Variants in SLC35F1 observed in about 807,000 individuals in gnomAD.
SLC35F1 encodes chromosome 6 open reading frame 169.
Under a neutral mutation model 48.7 loss-of-function variants are expected in SLC35F1, and 14 were observed. The observed-to-expected ratio is 0.29, with a 90% confidence interval of 0.19 to 0.45. The LOEUF (loss-of-function observed/expected upper bound fraction) is 0.45, where lower values mean the gene tolerates loss of function less well. SLC35F1 is among the 20% of genes least tolerant of loss of function. SLC35F1 has a pLI of 1.00. For synonymous variants in SLC35F1, 190 were observed against 202.2 expected, an observed-to-expected ratio of 0.94 and a Z score of 0.51; for missense variants, 404 against 500.0, an observed-to-expected ratio of 0.81 and a Z score of 1.83.
chr6:118,113,356 G>A (rs141572588), intron 1 of SLC35F1, among the ~76,000 whole-genome samples: 10 of 152,184 alleles, frequency 6.6e-5, no homozygotes, highest in Admixed American at 1.3e-4. Context: ...CAAAGTGCTG[G>A]GATTACAGGT....
rs568092145 is a variant in SLC35F1 at position 118,315,631 on chromosome 6, G to C, written c.*1379G>C. The C allele has an allele frequency of 6.6e-6, 1 of 152,040 alleles. No homozygotes were observed. Among genetic ancestry groups the C allele is most frequent in the East Asian group, 1.9e-4 (1 of 5,138 alleles). 9.4% of individuals were successfully genotyped at this position (152,040 alleles called of 1,614,324 possible). A position where few individuals can be genotyped will look rare whatever the true frequency, so the allele number is the denominator to read the frequency against. ...ATTTTTTGTATTTTTAGTAGAGATG[G>C]GGTTTCACCGTGTTAGCCAGGATGG... is the stretch of plus-strand genomic sequence containing the variant. On this transcript the variant is annotated 3_prime_UTR_variant, in exon 8 of 8. Transcript: ENST00000360388.
intron 1 of SLC35F1, among the ~76,000 whole-genome samples, chr6:117,997,546 G>A (rs966540758): frequency 1.4e-4 from 22 of 152,312 alleles, no homozygotes; most frequent in Admixed American, 6.5e-4. Flanking sequence ...TACCCACAAA[G>A]GGAAGCCCAT....
chr6:117,979,293 G>T (rs1465712527), intron 1 of SLC35F1, among the ~76,000 whole-genome samples: 1 of 152,114 alleles, frequency 6.6e-6, no homozygotes, highest in Non-Finnish European at 1.5e-5. Flanking sequence ...GCTTTTCTTT[G>T]TACAGTCCAT....
intron 2 of SLC35F1, among the ~76,000 whole-genome samples, chr6:118,213,111 A>G (rs761310211): frequency 1.3e-4 from 20 of 152,132 alleles, no homozygotes; most frequent in Non-Finnish European, 2.4e-4. Flanking sequence ...ATAAGTATGT[A>G]CTCCAGTTCT....
At chr6:118,042,862 C>T (rs1772246570) in intron 1 of SLC35F1, among the ~76,000 whole-genome samples, 2 of 152,102 alleles carry the variant, frequency 1.3e-5, no homozygotes, top group South Asian at 4.2e-4. Flanking sequence ...TTTGGAAGGG[C>T]TGGCTTGGGT....
chr6:117,929,518 G>T (rs928228098), intron 1 of SLC35F1, among the ~76,000 whole-genome samples: 14 of 150,908 alleles, frequency 9.3e-5, no homozygotes, highest in Non-Finnish European at 2.1e-4. Context: ...GAGAGAGATT[G>T]ATTTACTTTA....
At position 117,907,641 on chromosome 6, in the gene SLC35F1, G is replaced by C; in HGVS notation, c.-86G>C. 1.3e-6 allele frequency: 1 copy of C among 771,870 alleles called. No individual in the cohort carries two copies. Among genetic ancestry groups the C allele is most frequent in the South Asian group, 2.7e-5 (1 of 37,280 alleles). The allele number at this position is 771,870 out of a possible 1,614,324, so 47.8% of individuals were successfully genotyped here. On this transcript the variant is annotated 5_prime_UTR_variant, in exon 1 of 8. Coordinates refer to ENST00000360388, the MANE Select transcript of SLC35F1 (RefSeq NM_001029858.4). ...TCCCGGGCCGCGGCCGCCCGGCCGG[G>C]TCCTCTGCGCGTTCCCGGGCCCGGA... is the stretch of plus-strand genomic sequence containing the variant.
At chr6:117,961,761 A>G (rs1368368417) in intron 1 of SLC35F1, among the ~76,000 whole-genome samples, 1 of 152,148 alleles carries the variant, frequency 6.6e-6, no homozygotes, top group Admixed American at 6.6e-5. Context: ...GAAAGGAGAG[A>G]TTTATTTCTA....
intron 1 of SLC35F1, among the ~76,000 whole-genome samples, chr6:117,998,228 T>C (rs1420084734): frequency 6.8e-6 from 1 of 146,268 alleles, no homozygotes; most frequent in Non-Finnish European, 1.5e-5. Context: ...GAGCTAACTA[T>C]CCTAAATATA....
intron 1 of SLC35F1, chr6:117,999,253 C>T (rs1169330575): frequency 1.1e-5 from 18 of 1,595,776 alleles, no homozygotes; most frequent in East Asian, 4.5e-5. Flanking sequence ...GCTGCAAGCT[C>T]GATCGACATG....
rs575037870 is a variant in SLC35F1, at chr6:118,090,533, A to G, written c.174-63912A>G. Among the ~76,000 whole-genome samples the G allele has an allele frequency of 4.6e-5, 7 of 152,318 alleles. No homozygotes were observed. In the East Asian group the frequency reaches 1.2e-3, roughly 25 times the overall value. On this transcript the variant is annotated intron_variant, in intron 1 of 7. Coordinates refer to ENST00000360388, the MANE Select transcript of SLC35F1 (RefSeq NM_001029858.4). ...TGATGAGAAGGATGGAACCAACAAT[A>G]TAAATACTTGAGTGAAAATTCTGTC...
intron 1 of SLC35F1, among the ~76,000 whole-genome samples, chr6:117,951,679 C>G (rs1420906910): frequency 1.3e-5 from 2 of 152,156 alleles, no homozygotes; most frequent in Non-Finnish European, 2.9e-5. Context: ...CTTCTTTGTG[C>G]TGTGCAGGAC....
At chr6:118,101,714 A>C (rs1447208166) in intron 1 of SLC35F1, among the ~76,000 whole-genome samples, 1 of 152,194 alleles carries the variant, frequency 6.6e-6, no homozygotes, top group East Asian at 1.9e-4. Context: ...AGAAAAGAGC[A>C]AGGAGGTATA....
At chr6:118,009,363 C>T (rs749827163) in intron 1 of SLC35F1, among the ~76,000 whole-genome samples, 20 of 152,154 alleles carry the variant, frequency 1.3e-4, no homozygotes, top group Admixed American at 3.9e-4. Flanking sequence ...ATCAAAGATG[C>T]CTGAGGTCAG....
chr6:118,147,776 G>T (rs1296528603), intron 1 of SLC35F1, among the ~76,000 whole-genome samples: 1 of 152,122 alleles, frequency 6.6e-6, no homozygotes, highest in Non-Finnish European at 1.5e-5. Context: ...AAAACATTAT[G>T]TTTAAAGCAC....
intron 2 of SLC35F1, among the ~76,000 whole-genome samples, chr6:118,225,019 T>C (rs1230094771): frequency 6.6e-6 from 1 of 152,162 alleles, no homozygotes; most frequent in African/African-American, 2.4e-5. Flanking sequence ...TGAAAGAAAT[T>C]GAAGAGGACA....
chr6:118,292,839 C>A (rs1776141496), intron 7 of SLC35F1, among the ~76,000 whole-genome samples: 1 of 152,118 alleles, frequency 6.6e-6, no homozygotes, highest in Admixed American at 6.5e-5. Context: ...TGACCTAATT[C>A]TAAATTCATC....
chr6:118,279,333 A>G (rs1339938530), intron 6 of SLC35F1, among the ~76,000 whole-genome samples: 3 of 152,160 alleles, frequency 2.0e-5, no homozygotes, highest in Non-Finnish European at 4.4e-5. Context: ...TCAAATACTC[A>G]TCTTCCTCTT....
chr6:118,002,031 A>AAGTCAGTGTG (rs1262850024), intron 1 of SLC35F1, among the ~76,000 whole-genome samples: 2 of 146,990 alleles, frequency 1.4e-5, no homozygotes, highest in African/African-American at 5.0e-5. Flanking sequence ...ACCATTGTGG[A>AAGTCAGTGTG]AGTCAGTGTG....
Sources: allele counts gnomAD v4.1 joint callset (sites outside exome capture counted in the v4.1 genomes callset), GRCh38; gene constraint gnomAD v4.1.1; transcripts MANE v1.5; gene names NCBI Gene and HGNC (gene_info 2026-07-23, HGNC 2026-07-21).